Variants in SNRPD1 observed in about 807,000 individuals in gnomAD.
SNRPD1 encodes the protein small nuclear ribonucleoprotein Sm D1.
SNRPD1 carries 1 observed loss-of-function variant against 14.4 expected under a neutral mutation model. The observed-to-expected ratio is 0.07, with a 90% CI of 0.02 to 0.33. The LOEUF (loss-of-function observed/expected upper bound fraction) is 0.33. Ranked by LOEUF, SNRPD1 falls within the 10% of genes least tolerant of loss-of-function variation. SNRPD1 has a pLI of 1.00. For synonymous variants in SNRPD1, 42 were observed against 50.3 expected, an observed-to-expected ratio of 0.83 and a Z score of 0.70; for missense variants, 52 against 146.4, an observed-to-expected ratio of 0.36 and a Z score of 3.33.
At position 21,630,468 on chromosome 18, in the gene SNRPD1, TA is replaced by T; in HGVS notation, c.*1336del. On this transcript the variant is annotated 3_prime_UTR_variant, in exon 4 of 4. Coordinates refer to ENST00000300413, the MANE Select transcript of SNRPD1 (RefSeq NM_006938.4). ...AAATTTTCTGCAAAGATCGTTACCT[TA>T]AAAAAGTTTAGCCTGGGTGTGGTGG... 6.6e-6 allele frequency: 1 copy of T among 152,090 alleles called. No individual in the cohort carries two copies. The highest frequency in any genetic ancestry group is 1.9e-4 in the East Asian group (1 of 5,176). The allele number at this position is 152,090 out of a possible 1,614,324, so 9.4% of individuals were successfully genotyped here.
chr18:21,618,891 A>G (rs950191991), intron 1 of SNRPD1, among the ~76,000 whole-genome samples: 1 of 152,194 alleles, frequency 6.6e-6, no homozygotes, highest in African/African-American at 2.4e-5. Context: ...TGCCTATTAC[A>G]GTCTAGGATT....
chr18:21,612,720 C>T (rs549493975), intron 1 of SNRPD1, among the ~76,000 whole-genome samples: 79 of 152,382 alleles, frequency 5.2e-4, no homozygotes, highest in African/African-American at 1.9e-3. Flanking sequence ...CCTCCTGGGA[C>T]ACATCTCCCT....
intron 3 of SNRPD1, among the ~76,000 whole-genome samples, chr18:21,624,407 T>C (rs1055594707): frequency 6.2e-5 from 9 of 144,074 alleles, no homozygotes; most frequent in Admixed American, 4.2e-4. Context: ...CAAATATCGA[T>C]GTGGTCGGGC....
rs2038925327 is a variant in SNRPD1 at position 21,612,425 on chromosome 18, C to T, written c.-5C>T. The T allele has an allele frequency of 1.3e-6, 2 of 1,555,232 alleles. No homozygotes were observed. The highest frequency in any genetic ancestry group is 1.7e-6 in the Non-Finnish European group (2 of 1,143,496). On this transcript the variant is annotated 5_prime_UTR_variant, in exon 1 of 4. Coordinates refer to ENST00000300413, the MANE Select transcript of SNRPD1 (RefSeq NM_006938.4). ...TCGGACCCAGAGGGTGACGGCGCCG[C>T]TAGGATGAAGCTCGTGAGGTGAGGG... is the stretch of plus-strand genomic sequence containing the variant.
intron 1 of SNRPD1, among the ~76,000 whole-genome samples, chr18:21,618,131 A>G (rs2038970979): frequency 1.3e-5 from 2 of 151,846 alleles, no homozygotes; most frequent in African/African-American, 4.8e-5. Context: ...TTAGTAAAAA[A>G]CCTGTGTGTA....
intron 1 of SNRPD1, among the ~76,000 whole-genome samples, chr18:21,617,552 G>A (rs2038966399): frequency 6.6e-6 from 1 of 152,086 alleles, no homozygotes; most frequent in Non-Finnish European, 1.5e-5. Context: ...ATTGGCCCTA[G>A]GTTCTCTTTT....
At chr18:21,615,736 A>C (rs1487280857) in intron 1 of SNRPD1, among the ~76,000 whole-genome samples, 2 of 152,206 alleles carry the variant, frequency 1.3e-5, no homozygotes, top group East Asian at 3.9e-4. Context: ...TTTTGGAGGG[A>C]AACAAATTTT....
At chr18:21,621,123 G>C (rs942516408) in intron 1 of SNRPD1, among the ~76,000 whole-genome samples, 5 of 151,894 alleles carry the variant, frequency 3.3e-5, no homozygotes, top group African/African-American at 1.2e-4. Context: ...AGCCGAGATT[G>C]TGCCACTACA....
At chr18:21,626,192 A>G (rs1211817163) in intron 3 of SNRPD1, among the ~76,000 whole-genome samples, 3 of 151,726 alleles carry the variant, frequency 2.0e-5, no homozygotes, top group Non-Finnish European at 4.4e-5. Flanking sequence ...CGGAAGTTCG[A>G]GACCAGCCCG....
chr18:21,626,881 G>A (rs1035207477), intron 3 of SNRPD1, among the ~76,000 whole-genome samples: 5 of 151,028 alleles, frequency 3.3e-5, no homozygotes, highest in Admixed American at 1.3e-4. Context: ...CATGATCATA[G>A]CTCACTGCAG....
intron 3 of SNRPD1, among the ~76,000 whole-genome samples, chr18:21,625,791 TAGTAGAGACGGG>T (rs1048181603): frequency 2.0e-5 from 3 of 152,072 alleles, no homozygotes; most frequent in Admixed American, 6.6e-5. Flanking sequence ...TTTGTATTTT[TAGTAGAGACGGG>T]GTTTCACCGT....
rs1265452396 is a variant in SNRPD1 at position 21,631,051 on chromosome 18, T to C, written c.*1913T>C. 6.6e-6 allele frequency: 1 copy of C among 152,020 alleles called. No individual in the cohort carries two copies. Among genetic ancestry groups the C allele is most frequent in the South Asian group, 2.1e-4 (1 of 4,824 alleles). 9.4% of individuals were successfully genotyped at this position (152,020 alleles called of 1,614,324 possible). ...TTAGCGTTTTTTCCCCCACAAATTA[T>C]TGGCAGTGGTCACCCAGTTGTATTA... On this transcript the variant is annotated 3_prime_UTR_variant, in exon 4 of 4. Coordinates refer to ENST00000300413, the MANE Select transcript of SNRPD1 (RefSeq NM_006938.4).
intron 1 of SNRPD1, among the ~76,000 whole-genome samples, chr18:21,618,886 A>G (rs780458808): frequency 4.3e-4 from 65 of 152,212 alleles, no homozygotes; most frequent in Non-Finnish European, 7.8e-4. Flanking sequence ...TTCAGTGCCT[A>G]TTACAGTCTA....
Position 21,625,316 on chromosome 18 carries a change from A to ATTTTTTTTTTTTTTTT in SNRPD1, c.283+1379_283+1394dup, listed in dbSNP as rs144395165. Among the ~76,000 whole-genome samples, 83 of 109,054 alleles carry ATTTTTTTTTTTTTTTT rather than the reference A, an allele frequency of 7.6e-4. 7 individuals carry two copies. Among genetic ancestry groups the ATTTTTTTTTTTTTTTT allele is most frequent in the African/African-American group, 2.7e-3 (54 of 20,062 alleles). 71.5% of individuals were successfully genotyped at this position (109,054 alleles called of 152,430 possible). Reference sequence around the variant, plus strand: ...TCTATTTAAAATTTTGTTGAAAAAAATTTTTTTTTTTTTTTTTGAGATGGA... The same window carrying ATTTTTTTTTTTTTTTT: ...TCTATTTAAAATTTTGTTGAAAAAAATTTTTTTTTTTTTTTTTTTTTTTTTTTTTTTTTGAGATGGA... On this transcript the variant is annotated intron_variant, in intron 3 of 3. Coordinates refer to ENST00000300413, the MANE Select transcript of SNRPD1 (RefSeq NM_006938.4).
intron 2 of SNRPD1, among the ~76,000 whole-genome samples, 194 bp from the exon 3 acceptor site, chr18:21,623,554 A>G (rs1294083382): frequency 2.0e-5 from 3 of 152,112 alleles, no homozygotes; most frequent in Non-Finnish European, 2.9e-5. Context: ...GCTAGGAAAA[A>G]TCTCTAGGAA....
intron 1 of SNRPD1, among the ~76,000 whole-genome samples, chr18:21,612,800 T>C (rs1413567236): frequency 1.3e-5 from 2 of 152,270 alleles, no homozygotes; most frequent in Admixed American, 6.5e-5. Flanking sequence ...GAAAGCTGTA[T>C]GAGCTTATCT....
chr18:21,629,190 G>A lies in SNRPD1; in HGVS notation c.*52G>A. 2 of 1,337,746 alleles carry A rather than the reference G, an allele frequency of 1.5e-6. No homozygotes were observed. Among genetic ancestry groups the A allele is most frequent in the Non-Finnish European group, 2.2e-6 (2 of 929,350 alleles). The allele number at this position is 1,337,746 out of a possible 1,614,324, so 82.9% of individuals were successfully genotyped here. ...GAGATTTGGGATATTTTTTGTACAGGTTGTGTTTGTTTATGTCAGTTTTTA... is the reference window on the plus strand; with the variant it reads ...GAGATTTGGGATATTTTTTGTACAGATTGTGTTTGTTTATGTCAGTTTTTA... On this transcript the variant is annotated 3_prime_UTR_variant, in exon 4 of 4. Transcript: ENST00000300413.
chr18:21,619,767 G>A lies in SNRPD1; in HGVS notation c.15-2958G>A, dbSNP rs112381653. 6.1e-3 allele frequency among the ~76,000 whole-genome samples: 920 copies of A among 151,578 alleles called. 5 individuals carry two copies. Among genetic ancestry groups the A allele is most frequent in the Non-Finnish European group, 0.01 (686 of 67,878 alleles). The stretch of plus-strand genomic sequence containing the variant: ...TGCACTCCAGCCTGGGTGACAGAGC[G>A]AGACTCCGTCTCAAAAAAAAATAGA... On this transcript the variant is annotated intron_variant, in intron 1 of 3. Transcript: ENST00000300413.
Position 21,623,957 on chromosome 18 carries a change from TA to T in SNRPD1, c.283+21del. The stretch of plus-strand genomic sequence containing the variant: ...GGAAGCTGGTAAGTTTGAAGGATTA[TA>T]AACATTTTTGTGAATGCTAATCCTA... On this transcript the variant is annotated intron_variant, in intron 3 of 3. Coordinates refer to ENST00000300413, the MANE Select transcript of SNRPD1 (RefSeq NM_006938.4). The T allele has an allele frequency of 6.6e-7, 1 of 1,521,932 alleles. No homozygotes were observed. Among genetic ancestry groups the T allele is most frequent in the Non-Finnish European group, 9.0e-7 (1 of 1,113,084 alleles). 94.3% of individuals were successfully genotyped at this position (1,521,932 alleles called of 1,614,324 possible). A position where few individuals can be genotyped will look rare whatever the true frequency, so the allele number is the denominator to read the frequency against.
Sources: allele counts gnomAD v4.1 joint callset (sites outside exome capture counted in the v4.1 genomes callset), GRCh38; gene constraint gnomAD v4.1.1; transcripts MANE v1.5; gene names NCBI Gene and HGNC (gene_info 2026-07-23, HGNC 2026-07-21).